CTNNA3: variants seen among roughly 807,000 people sequenced by gnomAD.
CTNNA3 encodes catenin alpha-3.
A neutral mutation model predicts 95.7 loss-of-function variants in CTNNA3; 76 were observed. The observed-to-expected ratio is 0.79, with a 90% CI of 0.66 to 0.96. The LOEUF (loss-of-function observed/expected upper bound fraction) is 0.96, where lower values mean the gene tolerates loss of function less well. CTNNA3 is among the 40% of genes least tolerant of loss of function. CTNNA3 has a pLI of 0.00. For synonymous variants in CTNNA3, 431 were observed against 374.4 expected (o/e 1.15, Z -1.74); for missense variants, 1,191 against 1,089.8 (o/e 1.09, Z -1.31).
At chr10:66,023,868 A>T (rs956037668) in intron 15 of CTNNA3, among the ~76,000 whole-genome samples, 3 of 152,172 alleles carry the variant, frequency 2.0e-5, no homozygotes, top group Non-Finnish European at 2.9e-5. Context: ...TTTAGAAAAA[A>T]AATTACAAGC....
chr10:66,873,236 G>C (rs1423939865), intron 7 of CTNNA3, among the ~76,000 whole-genome samples: 1 of 152,142 alleles, frequency 6.6e-6, no homozygotes, highest in African/African-American at 2.4e-5. Context: ...TCAAATGGTA[G>C]TTCTGCTTTA....
chr10:67,757,216 T>C (rs912816558), intron 1 of CTNNA3, among the ~76,000 whole-genome samples: 36 of 152,226 alleles, frequency 2.4e-4, no homozygotes, highest in African/African-American at 8.2e-4. Flanking sequence ...TCCCTAAACA[T>C]GGCAGCTTTA....
chr10:67,465,001 C>T (rs1847531911), intron 5 of CTNNA3, among the ~76,000 whole-genome samples: 1 of 151,944 alleles, frequency 6.6e-6, no homozygotes, highest in Non-Finnish European at 1.5e-5. Context: ...AGGCAATTGC[C>T]TGTGTTTTTG....
intron 11 of CTNNA3, among the ~76,000 whole-genome samples, chr10:66,481,522 A>G: frequency 9.5e-6 from 1 of 105,654 alleles, no homozygotes; most frequent in Admixed American, 1.3e-4. Context: ...CCCAGGCTGG[A>G]CTGCAGTGGC....
At chr10:66,402,615 A>G (rs764967139) in intron 11 of CTNNA3, among the ~76,000 whole-genome samples, 4 of 152,186 alleles carry the variant, frequency 2.6e-5, no homozygotes, top group Non-Finnish European at 4.4e-5. Flanking sequence ...AATCATGGAC[A>G]TAAAGACAAA....
intron 11 of CTNNA3, among the ~76,000 whole-genome samples, chr10:66,447,889 A>T (rs1484310167): frequency 6.6e-6 from 1 of 152,224 alleles, no homozygotes; most frequent in Non-Finnish European, 1.5e-5. Context: ...GTGAACAGGC[A>T]ACCTACAAAA....
At chr10:67,541,695 C>T (rs918361166) in intron 3 of CTNNA3, among the ~76,000 whole-genome samples, 3 of 151,978 alleles carry the variant, frequency 2.0e-5, no homozygotes, top group Non-Finnish European at 4.4e-5. Flanking sequence ...CAAAGATTAA[C>T]TGTTATTTTG....
intron 13 of CTNNA3, among the ~76,000 whole-genome samples, chr10:66,224,269 G>C (rs2089140664): frequency 6.6e-6 from 1 of 151,968 alleles, no homozygotes; most frequent in African/African-American, 2.4e-5. Flanking sequence ...TCTCCTACTG[G>C]TTCTCTTTCT....
intron 11 of CTNNA3, among the ~76,000 whole-genome samples, chr10:66,471,498 A>T (rs1053234928): frequency 6.6e-6 from 1 of 151,850 alleles, no homozygotes; most frequent in Admixed American, 6.6e-5. Context: ...ATTTTCCATT[A>T]ATTTTCCATG....
At chr10:67,545,444 G>T (rs10997703) in intron 3 of CTNNA3, among the ~76,000 whole-genome samples, 20,930 of 152,024 alleles carry the variant, frequency 0.14, 3,226 homozygotes, top group African/African-American at 0.39. Flanking sequence ...CATGTGAGTT[G>T]TAATTATAAT....
chr10:67,174,883 G>A (rs1416138053), intron 7 of CTNNA3, among the ~76,000 whole-genome samples: 4 of 151,944 alleles, frequency 2.6e-5, no homozygotes, highest in Admixed American at 1.3e-4. Context: ...ACCTATATAG[G>A]ATACTATTTA....
At chr10:66,024,085 A>ATTTT (rs71474007) in intron 15 of CTNNA3, among the ~76,000 whole-genome samples, 1,080 of 87,684 alleles carry the variant, frequency 0.012, 178 homozygotes, top group Non-Finnish European at 0.013. Context: ...TACCATACAC[A>ATTTT]TTTTTTTTTT....
intron 15 of CTNNA3, among the ~76,000 whole-genome samples, chr10:66,003,843 C>G (rs541351469): frequency 6.6e-6 from 1 of 152,272 alleles, no homozygotes; most frequent in South Asian, 2.1e-4. Context: ...CTTCTCATAC[C>G]CAGCACTGCT....
At chr10:66,120,622 A>G (rs2082536662) in intron 13 of CTNNA3, among the ~76,000 whole-genome samples, 1 of 152,206 alleles carries the variant, frequency 6.6e-6, no homozygotes, top group Non-Finnish European at 1.5e-5. Context: ...TAATATGATT[A>G]TAAATTGGAG....
Position 66,339,152 on chromosome 10 carries a change from A to G in CTNNA3, c.1732+40000T>C, listed in dbSNP as rs1443091502. Among the ~76,000 whole-genome samples, 4 of 151,922 alleles carry G rather than the reference A, an allele frequency of 2.6e-5. 1 individual carries two copies. Among genetic ancestry groups the G allele is most frequent in the African/African-American group, 7.2e-5 (3 of 41,440 alleles). Reference sequence around the variant, plus strand: ...TAGCTAACACATATGAAACATGTGCATTCTTAAACACAGTGAGCAACACAT... The same window carrying G: ...TAGCTAACACATATGAAACATGTGCGTTCTTAAACACAGTGAGCAACACAT... On this transcript the variant is annotated intron_variant, in intron 12 of 17. Coordinates refer to ENST00000433211, the MANE Select transcript of CTNNA3 (RefSeq NM_013266.4).
chr10:65,947,924 T>C (rs1168832078), intron 17 of CTNNA3, among the ~76,000 whole-genome samples: 1 of 152,192 alleles, frequency 6.6e-6, no homozygotes, highest in African/African-American at 2.4e-5. Flanking sequence ...GTTGGAAGTA[T>C]AAGTGAGGGT....
At chr10:66,256,610 A>T (rs1322560863) in intron 13 of CTNNA3, among the ~76,000 whole-genome samples, 1 of 151,888 alleles carries the variant, frequency 6.6e-6, no homozygotes, top group Admixed American at 6.6e-5. Flanking sequence ...AATCCCAGCT[A>T]CTCAGGAGGC....
chr10:67,511,064 GT>G (rs746506468), intron 5 of CTNNA3, among the ~76,000 whole-genome samples: 1 of 152,194 alleles, frequency 6.6e-6, no homozygotes, highest in African/African-American at 2.4e-5. Context: ...CTTTGCTGAA[GT>G]TTTTTATCAG....
rs375368518 is a variant in CTNNA3 at position 66,942,451 on chromosome 10, T to C, written c.1048-166927A>G. On this transcript the variant is annotated intron_variant, in intron 7 of 17. Coordinates refer to ENST00000433211, the MANE Select transcript of CTNNA3 (RefSeq NM_013266.4). ...AAAAATTCTGTTGTTAGTATTGTGT[T>C]TCTTCTAGTAATTCAACATCATTTC... 6.9e-4 allele frequency among the ~76,000 whole-genome samples: 105 copies of C among 152,274 alleles called. 3 individuals are homozygous for C. In the South Asian group the frequency reaches 0.017, roughly 25 times the overall value.
Sources: gnomAD v4.1 joint callset for allele counts (sites outside exome capture counted in the v4.1 genomes callset) on GRCh38, gnomAD v4.1.1 for gene constraint, MANE v1.5 for transcripts, NCBI Gene and HGNC (gene_info 2026-07-23, HGNC 2026-07-21) for gene names.